The following KCNH8 variants were observed in gnomAD, a reference collection of about 807,000 sequenced individuals.
The protein encoded by KCNH8 is voltage-gated delayed rectifier potassium channel KCNH8.
A neutral mutation model predicts 103.6 loss-of-function variants in KCNH8; 70 were observed. The observed-to-expected ratio is 0.68, with a 90% CI of 0.56 to 0.82. The LOEUF (loss-of-function observed/expected upper bound fraction) is 0.82. KCNH8 is among the 40% of genes least tolerant of loss of function. The pLI, the probability that KCNH8 is intolerant of heterozygous loss-of-function variation, is 0.00. For synonymous variants in KCNH8, 498 were observed against 489.4 expected (o/e 1.02, Z -0.23); for missense variants, 1,217 against 1,329.9 (o/e 0.92, Z 1.32).
chr3:19,263,516 G>A (rs776389773), intron 2 of KCNH8, among the ~76,000 whole-genome samples: 82 of 152,070 alleles, frequency 5.4e-4, no homozygotes, highest in Non-Finnish European at 9.6e-4. Flanking sequence ...ACTCATGTGT[G>A]GCATCTTGAA....
intron 5 of KCNH8, among the ~76,000 whole-genome samples, chr3:19,378,281 C>CT (rs1280902072): frequency 6.6e-6 from 1 of 152,152 alleles, no homozygotes; most frequent in Non-Finnish European, 1.5e-5. Flanking sequence ...GCAAAGATGG[C>CT]TGGGAAATGT....
chr3:19,525,118 T>C (rs1243792455), intron 15 of KCNH8, among the ~76,000 whole-genome samples: 1 of 151,924 alleles, frequency 6.6e-6, no homozygotes, highest in Non-Finnish European at 1.5e-5. Context: ...GTAACAGATA[T>C]GCTAATAAGC....
intron 15 of KCNH8, among the ~76,000 whole-genome samples, chr3:19,519,089 A>AATT (rs2125246509): frequency 6.6e-6 from 1 of 152,084 alleles, no homozygotes; most frequent in Admixed American, 6.6e-5. Flanking sequence ...GACAACTCAA[A>AATT]ATTATTCAAC....
chr3:19,317,603 A>G (rs981082190), intron 3 of KCNH8, among the ~76,000 whole-genome samples: 1 of 151,830 alleles, frequency 6.6e-6, no homozygotes, highest in Non-Finnish European at 1.5e-5. Flanking sequence ...AAATAAATTA[A>G]ATATGATCCA....
intron 5 of KCNH8, among the ~76,000 whole-genome samples, chr3:19,366,681 A>G (rs2066015796): frequency 6.6e-6 from 1 of 152,002 alleles, no homozygotes; most frequent in Non-Finnish European, 1.5e-5. Context: ...AAAAAAATAA[A>G]ATAAAATTCT....
intron 15 of KCNH8, among the ~76,000 whole-genome samples, chr3:19,520,000 G>A (rs2068944236): frequency 2.7e-5 from 4 of 148,890 alleles, no homozygotes; most frequent in Admixed American, 2.7e-4. Context: ...GAATCGGGTA[G>A]ATCCATTAAC....
chr3:19,321,778 A>G lies in KCNH8; in HGVS notation c.443-20809A>G, dbSNP rs909741405. Among the ~76,000 whole-genome samples the G allele has an allele frequency of 4.0e-5, 6 of 151,758 alleles. No homozygotes were observed. In the East Asian group the frequency reaches 9.7e-4, roughly 24 times the overall value. On this transcript the variant is annotated intron_variant, in intron 3 of 15. Coordinates refer to ENST00000328405, the MANE Select transcript of KCNH8 (RefSeq NM_144633.3). ...ACCTGTCTAGTGCTGTCAGTGGGGT[A>G]TTGAAGTCCCCCACTATTATTGTGT...
chr3:19,451,038 A>G, intron 9 of KCNH8, 117 bp from the exon 10 acceptor site: 2 of 934,592 alleles, frequency 2.1e-6, no homozygotes, highest in Non-Finnish European at 3.3e-6. Flanking sequence ...CCTCTTCTGT[A>G]TGCTGGATGG....
chr3:19,219,328 T>A (rs967584267), intron 1 of KCNH8, among the ~76,000 whole-genome samples: 6 of 152,212 alleles, frequency 3.9e-5, no homozygotes, highest in African/African-American at 1.4e-4. Context: ...CTGTTGCTTT[T>A]CTTTTTTCCA....
At chr3:19,306,597 A>C (rs1485313967) in intron 3 of KCNH8, among the ~76,000 whole-genome samples, 1 of 152,060 alleles carries the variant, frequency 6.6e-6, no homozygotes, top group Non-Finnish European at 1.5e-5. Flanking sequence ...TCTGAAGCTG[A>C]CTCAAAAGAG....
intron 3 of KCNH8, among the ~76,000 whole-genome samples, chr3:19,338,003 G>T (rs971932167): frequency 1.3e-3 from 197 of 151,896 alleles, no homozygotes; most frequent in African/African-American, 4.5e-3. Flanking sequence ...GAGAGGCGGG[G>T]GGGGGAGAAA....
chr3:19,413,033 C>T (rs1434815431), intron 7 of KCNH8, among the ~76,000 whole-genome samples: 2 of 151,930 alleles, frequency 1.3e-5, no homozygotes, highest in Admixed American at 1.3e-4. Flanking sequence ...CAAAAGAAAA[C>T]AAATCATTTC....
intron 3 of KCNH8, among the ~76,000 whole-genome samples, chr3:19,302,569 A>G (rs2065076517): frequency 6.6e-6 from 1 of 152,166 alleles, no homozygotes; most frequent in Non-Finnish European, 1.5e-5. Flanking sequence ...TCCCTCACCA[A>G]TCATCCCATT....
At chr3:19,230,411 G>A (rs2063980767) in intron 1 of KCNH8, among the ~76,000 whole-genome samples, 1 of 152,096 alleles carries the variant, frequency 6.6e-6, no homozygotes, top group African/African-American at 2.4e-5. Flanking sequence ...AGTAAACATA[G>A]AAGTTTAATA....
At chr3:19,262,910 C>A (rs376307677) in intron 2 of KCNH8, among the ~76,000 whole-genome samples, 5 of 152,130 alleles carry the variant, frequency 3.3e-5, no homozygotes, top group African/African-American at 9.6e-5. Flanking sequence ...ATCTTCTCAC[C>A]TAGCCCTCCC....
rs1384633137 is a variant in KCNH8, at chr3:19,513,167, A to T, written c.2277A>T (p.Gly759=). ...LGLSLKQLAS[G]TVPFHSPIRV... is the part of the protein sequence containing the mutation. ...TAAGCTTAAAGCAACTGGCCTCGGGAACGGTGCCCTTTCACTCGCCTATCA... is the reference window on the plus strand; with the variant it reads ...TAAGCTTAAAGCAACTGGCCTCGGGTACGGTGCCCTTTCACTCGCCTATCA... Residue 759 remains glycine (G), a synonymous_variant, in exon 13 of 16, where the codon GGA becomes GGT. Transcript: ENST00000328405. 5 of 1,613,968 alleles carry T rather than the reference A, an allele frequency of 3.1e-6. No individual in the cohort carries two copies. The highest frequency in any genetic ancestry group is 4.2e-6 in the Non-Finnish European group (5 of 1,179,936).
rs781644755 is a variant in KCNH8, at chr3:19,300,259, AAAG to A, written c.442+18933_442+18935del. ...GCAAGACTCTGTCTATAAAAAAAAA[AAAG>A]AAAGAAAGAAAAGAAAATATGAACA... On this transcript the variant is annotated intron_variant, in intron 3 of 15. Transcript: ENST00000328405. Among the ~76,000 whole-genome samples, 282 of 98,182 alleles carry A rather than the reference AAAG, an allele frequency of 2.9e-3. 2 individuals are homozygous for A. The highest frequency in any genetic ancestry group is 6.2e-3 in the Non-Finnish European group (226 of 36,698). 64.4% of individuals were successfully genotyped at this position (98,182 alleles called of 152,430 possible).
intron 11 of KCNH8, among the ~76,000 whole-genome samples, chr3:19,478,949 T>C (rs1357705640): frequency 6.6e-6 from 1 of 152,156 alleles, no homozygotes; most frequent in African/African-American, 2.4e-5. Flanking sequence ...GCTGGACATA[T>C]AACACTGTAA....
chr3:19,406,741 T>G lies in KCNH8; in HGVS notation c.1177+11430T>G, dbSNP rs150208093. On this transcript the variant is annotated intron_variant, in intron 7 of 15. Transcript: ENST00000328405. ...TTAGCATAAGAAAGGACTTTAGAGA[T>G]AATATATTCTAAATCCCTAATTTTA... Among the ~76,000 whole-genome samples, 796 of 152,276 alleles carry G rather than the reference T, an allele frequency of 5.2e-3. 9 individuals carry two copies. The highest frequency in any genetic ancestry group is 0.017 in the African/African-American group (695 of 41,564).
Sources: allele counts gnomAD v4.1 joint callset (sites outside exome capture counted in the v4.1 genomes callset), GRCh38; gene constraint gnomAD v4.1.1; transcripts MANE v1.5; gene names NCBI Gene and HGNC (gene_info 2026-07-23, HGNC 2026-07-21).